The following IL1RAPL1 variants were observed in gnomAD, a reference collection of about 807,000 sequenced individuals.
IL1RAPL1 encodes interleukin 1 receptor accessory protein like 1.
In IL1RAPL1, 3 loss-of-function variants were observed where a neutral mutation model predicts 48.4. That is an observed-to-expected ratio of 0.06 (90% CI 0.03 to 0.16). The LOEUF (loss-of-function observed/expected upper bound fraction) is 0.16, where lower values mean the gene tolerates loss of function less well. Ranked by LOEUF, IL1RAPL1 falls within the 10% of genes least tolerant of loss-of-function variation. IL1RAPL1 has a pLI of 1.00. For missense variants in IL1RAPL1, 349 were observed against 530.6 expected (o/e 0.66, Z 3.36); for synonymous variants, 185 against 187.7 (o/e 0.99, Z 0.12).
intron 3 of IL1RAPL1, among the ~76,000 whole-genome samples, chrX:29,303,049 C>T (rs1025323461): frequency 3.1e-4 from 35 of 112,116 alleles, no homozygotes; most frequent in African/African-American, 1.1e-3. Context: ...AGGGTTTCTT[C>T]TACTAGGAAT....
rs760743255 is a variant in IL1RAPL1 at position 29,955,727 on chromosome X, G to A, written c.1998G>A (p.Ser666=). The change falls in exon 11 of 11, where the codon TCG becomes TCA. Residue 666 remains serine (S), a synonymous_variant. Transcript: ENST00000378993. The part of the protein sequence containing the change: ...LINGQRPQTK[S]SREQNPDEAH... Reference sequence around the variant, plus strand: ...ACGGGCAGCGGCCACAGACAAAATCGAGCAGGGAGCAGAATCCAGATGAGG... The same window carrying A: ...ACGGGCAGCGGCCACAGACAAAATCAAGCAGGGAGCAGAATCCAGATGAGG... 8.3e-7 allele frequency: 1 copy of A among 1,211,113 alleles called. No homozygotes were observed. The highest frequency in any genetic ancestry group is 3.0e-5 in the East Asian group (1 of 33,809).
In IL1RAPL1 at chrX:29,566,133, G is replaced by A. The variant is rs183554554; in HGVS notation, c.704-102297G>A. On this transcript the variant is annotated intron_variant, in intron 5 of 10. Coordinates refer to ENST00000378993, the MANE Select transcript of IL1RAPL1 (RefSeq NM_014271.4). ...CCGGCTAATTTTTTGTAGAGACGGG[G>A]TTTCACCGTGTTAGCCAGGATGGTC... Among the ~76,000 whole-genome samples the A allele has an allele frequency of 4.8e-4, 53 of 111,312 alleles. No individual in the cohort carries two copies. The East Asian group carries it at 0.015, about 30-fold the overall frequency.
intron 2 of IL1RAPL1, among the ~76,000 whole-genome samples, chrX:28,815,853 A>G (rs868303491): frequency 0.022 from 1,406 of 63,195 alleles, 64 homozygotes; most frequent in African/African-American, 0.067. Context: ...ATATATATAT[A>G]TATATATATA....
At chrX:29,608,238 T>C (rs990628030) in intron 5 of IL1RAPL1, among the ~76,000 whole-genome samples, 5 of 111,804 alleles carry the variant, frequency 4.5e-5, no homozygotes, top group Non-Finnish European at 7.5e-5. Context: ...GATGTCAAGA[T>C]TGCAAAAGTA....
intron 1 of IL1RAPL1, among the ~76,000 whole-genome samples, chrX:28,780,365 GTC>G (rs1555923004): frequency 9.4e-6 from 1 of 106,693 alleles, no homozygotes; most frequent in African/African-American, 3.5e-5. Context: ...GTGTGTGTGT[GTC>G]TGTCTGTCTG....
At chrX:29,194,578 G>A (rs1930409076) in intron 2 of IL1RAPL1, among the ~76,000 whole-genome samples, 1 of 112,117 alleles carries the variant, frequency 8.9e-6, no homozygotes, top group Admixed American at 9.5e-5. Context: ...TCTGTTCTGG[G>A]GAGATGGAAA....
chrX:29,562,081 TA>T (rs764969868), intron 5 of IL1RAPL1, among the ~76,000 whole-genome samples: 1,508 of 76,668 alleles, frequency 0.02, 33 homozygotes, highest in African/African-American at 0.063. Context: ...TCTATCTATC[TA>T]ATCTATCTGT....
intron 3 of IL1RAPL1, among the ~76,000 whole-genome samples, chrX:29,326,590 A>C (rs1261800738): frequency 2.7e-5 from 3 of 112,496 alleles, no homozygotes; most frequent in East Asian, 5.5e-4. Context: ...TATTTCATTA[A>C]ATGAAGAGCT....
At chrX:29,457,068 A>G (rs1934747724) in intron 5 of IL1RAPL1, among the ~76,000 whole-genome samples, 2 of 110,260 alleles carry the variant, frequency 1.8e-5, no homozygotes, top group African/African-American at 3.3e-5. Context: ...CAGGAGATCT[A>G]GTTTGCAGTG....
chrX:28,812,647 A>G (rs779385873), intron 2 of IL1RAPL1, among the ~76,000 whole-genome samples: 13 of 111,518 alleles, frequency 1.2e-4, no homozygotes, highest in South Asian at 7.2e-4. Flanking sequence ...ATAAGCTAAT[A>G]TAGTTTAATA....
chrX:29,893,234 GA>G (rs1467447038), intron 6 of IL1RAPL1, among the ~76,000 whole-genome samples: 1 of 111,479 alleles, frequency 9.0e-6, no homozygotes, highest in African/African-American at 3.3e-5. Context: ...TTGCAAATGA[GA>G]AAATTAAAAT....
At chrX:29,005,773 A>C (rs1399208144) in intron 2 of IL1RAPL1, among the ~76,000 whole-genome samples, 1 of 111,846 alleles carries the variant, frequency 8.9e-6, no homozygotes, top group Non-Finnish European at 1.9e-5. Context: ...TAACCATCAA[A>C]CTTTCACTTC....
chrX:29,284,547 G>A (rs927725659), intron 3 of IL1RAPL1, among the ~76,000 whole-genome samples: 31 of 111,196 alleles, frequency 2.8e-4, no homozygotes, highest in Middle Eastern at 4.6e-3. Flanking sequence ...GTTCGAGACC[G>A]GCCTGGCCAA....
intron 5 of IL1RAPL1, among the ~76,000 whole-genome samples, chrX:29,523,222 G>A (rs1602277577): frequency 9.0e-6 from 1 of 111,191 alleles, no homozygotes; most frequent in South Asian, 3.8e-4. Context: ...GGAAACACAC[G>A]TTCACATAGC....
intron 6 of IL1RAPL1, among the ~76,000 whole-genome samples, chrX:29,771,409 G>A (rs1260108452): frequency 3.6e-5 from 4 of 112,210 alleles, no homozygotes; most frequent in Non-Finnish European, 5.6e-5. Flanking sequence ...ATATCTGCAC[G>A]TGAAATCAGT....
chrX:28,659,015 C>CT (rs1167711615), intron 1 of IL1RAPL1: 31,571 of 324,881 alleles, frequency 0.097, 4 homozygotes, highest in East Asian at 0.12. Flanking sequence ...GAAGAAGAGA[C>CT]TTTTTTTTTT....
At chrX:28,663,190 C>T (rs1233950475) in intron 1 of IL1RAPL1, among the ~76,000 whole-genome samples, 1 of 111,537 alleles carries the variant, frequency 9.0e-6, no homozygotes, top group Admixed American at 9.5e-5. Context: ...CATAGTCCTC[C>T]CTAAAGGTGG....
At chrX:29,623,379 T>C (rs1054552155) in intron 5 of IL1RAPL1, among the ~76,000 whole-genome samples, 2 of 112,169 alleles carry the variant, frequency 1.8e-5, no homozygotes, top group Non-Finnish European at 3.8e-5. Flanking sequence ...ACCATAGAAT[T>C]GGCTCTGACC....
At chrX:28,815,054 T>C (rs1247700129) in intron 2 of IL1RAPL1, among the ~76,000 whole-genome samples, 3 of 110,566 alleles carry the variant, frequency 2.7e-5, no homozygotes, top group Non-Finnish European at 3.8e-5. Context: ...ATTGTTACTA[T>C]TATTAAAATT....
Sources: gnomAD v4.1 joint callset for allele counts (sites outside exome capture counted in the v4.1 genomes callset) on GRCh38, gnomAD v4.1.1 for gene constraint, MANE v1.5 for transcripts, NCBI Gene and HGNC (gene_info 2026-07-23, HGNC 2026-07-21) for gene names.